TMPRSS12: variants seen among roughly 807,000 people sequenced by gnomAD.
The protein encoded by TMPRSS12 is transmembrane protease serine 12.
TMPRSS12 carries 25 observed loss-of-function variants against 26.0 expected under a neutral mutation model. The ratio of observed to expected loss-of-function variants is 0.96; its 90% CI spans 0.70 to 1.34. The LOEUF is 1.34. Ranked by LOEUF, TMPRSS12 falls within the 40% of genes most tolerant of loss-of-function variation. The probability of loss-of-function intolerance (pLI) is 0.00; values close to 1 mark genes in which losing one functional copy is unlikely to be tolerated. For synonymous variants in TMPRSS12, 150 were observed against 161.7 expected (o/e 0.93, Z 0.55); for missense variants, 441 against 440.1 (o/e 1.00, Z -0.02).
chr12:50,859,893 C>G lies in TMPRSS12; in HGVS notation c.652+840C>G, dbSNP rs527556344. On this transcript the variant is annotated intron_variant, in intron 3 of 4. Coordinates refer to ENST00000398458, the MANE Select transcript of TMPRSS12 (RefSeq NM_182559.3). ...GAATGTTCTCCATCATTAAGTGATGCCTGACTGTGTTTCACTCTGTGTATT... is the reference window on the plus strand; with the variant it reads ...GAATGTTCTCCATCATTAAGTGATGGCTGACTGTGTTTCACTCTGTGTATT... Among the ~76,000 whole-genome samples, 5 of 152,314 alleles carry G rather than the reference C, an allele frequency of 3.3e-5. No homozygotes were observed. In the South Asian group the frequency reaches 1.0e-3, roughly 32 times the overall value.
At chr12:50,858,000 T>G (rs1937897803) in intron 2 of TMPRSS12, among the ~76,000 whole-genome samples, 1 of 152,036 alleles carries the variant, frequency 6.6e-6, no homozygotes, top group Non-Finnish European at 1.5e-5. Flanking sequence ...GGCTAATTTT[T>G]TTGTTGTTGT....
chr12:50,847,093 C>G (rs183244412), intron 2 of TMPRSS12, among the ~76,000 whole-genome samples: 9,307 of 131,784 alleles, frequency 0.071, 333 homozygotes, highest in Middle Eastern at 0.15. Flanking sequence ...GAGTCTCGCT[C>G]TGTTGCCCAG....
intron 4 of TMPRSS12, chr12:50,885,826 T>A: frequency 5.1e-6 from 1 of 195,810 alleles, no homozygotes; most frequent in Non-Finnish European, 1.0e-5. Flanking sequence ...CGGCCATTCT[T>A]TTTTTTTTTT....
chr12:50,845,487 G>T (rs11169588), intron 2 of TMPRSS12, among the ~76,000 whole-genome samples: 32,119 of 151,984 alleles, frequency 0.21, 3,645 homozygotes, highest in East Asian at 0.42. Flanking sequence ...TCAACTCCTA[G>T]GTCTCTCCTG....
chr12:50,857,331 A>G (rs1241749750), intron 2 of TMPRSS12, among the ~76,000 whole-genome samples: 2 of 152,244 alleles, frequency 1.3e-5, no homozygotes, highest in African/African-American at 4.8e-5. Flanking sequence ...TCTAGGAAGC[A>G]GAATTGCAGA....
At position 50,885,573 on chromosome 12, in the gene TMPRSS12, G is replaced by A. The variant is rs75419006; in HGVS notation, c.795+185G>A. On this transcript the variant is annotated intron_variant, in intron 4 of 4. Transcript: ENST00000398458. ...GGTTCCTGATTCCATGGTTTCTGCT[G>A]TCATCAGTAGGCAGAATTTACCTTG... 2.3e-3 allele frequency: 1,669 copies of A among 710,658 alleles called. 29 individuals are homozygous for A. The African/African-American group carries it at 0.026, about 11-fold the overall frequency. 44.0% of individuals were successfully genotyped at this position (710,658 alleles called of 1,614,324 possible).
At chr12:50,862,536 T>TG (rs1333265696) in intron 3 of TMPRSS12, among the ~76,000 whole-genome samples, 1 of 152,040 alleles carries the variant, frequency 6.6e-6, no homozygotes, top group East Asian at 1.9e-4. Context: ...ATAATTTTTT[T>TG]TTTTTTAAAG....
At chr12:50,855,893 A>T (rs1937872208) in intron 2 of TMPRSS12, among the ~76,000 whole-genome samples, 1 of 152,234 alleles carries the variant, frequency 6.6e-6, no homozygotes, top group Non-Finnish European at 1.5e-5. Context: ...GAATGAAATC[A>T]TCTCCTTTGT....
chr12:50,875,137 C>G (rs1428293243), intron 3 of TMPRSS12, among the ~76,000 whole-genome samples: 1 of 152,084 alleles, frequency 6.6e-6, no homozygotes, highest in African/African-American at 2.4e-5. Context: ...CCAAAGCAAT[C>G]TTAAGCAAAA....
At chr12:50,887,178 T>C in intron 4 of TMPRSS12, 84 bp from the exon 5 acceptor site, 2 of 1,324,346 alleles carry the variant, frequency 1.5e-6, no homozygotes, top group Non-Finnish European at 2.0e-6. Context: ...AAATGTATGT[T>C]TGATGTAAAT....
At chr12:50,869,954 G>A (rs1938026603) in intron 3 of TMPRSS12, among the ~76,000 whole-genome samples, 1 of 152,082 alleles carries the variant, frequency 6.6e-6, no homozygotes, top group African/African-American at 2.4e-5. Flanking sequence ...ATGGTTGCAG[G>A]CGCCTGTAAT....
chr12:50,849,294 G>A (rs4768937), intron 2 of TMPRSS12, among the ~76,000 whole-genome samples: 42,374 of 152,102 alleles, frequency 0.28, 6,069 homozygotes, highest in East Asian at 0.44. Context: ...TTTTCGTACA[G>A]CCAGTCCTAA....
At chr12:50,874,248 C>T (rs1220484968) in intron 3 of TMPRSS12, among the ~76,000 whole-genome samples, 1 of 151,834 alleles carries the variant, frequency 6.6e-6, no homozygotes, top group Non-Finnish European at 1.5e-5. Context: ...ATCCTGACAC[C>T]AAACCAAAAA....
intron 3 of TMPRSS12, among the ~76,000 whole-genome samples, chr12:50,884,776 G>A (rs1250679774): frequency 1.3e-5 from 2 of 152,042 alleles, no homozygotes; most frequent in African/African-American, 2.4e-5. Flanking sequence ...GGAGGCTGAG[G>A]CAGGAGGATT....
At chr12:50,850,209 G>A (rs1937812634) in intron 2 of TMPRSS12, among the ~76,000 whole-genome samples, 1 of 152,140 alleles carries the variant, frequency 6.6e-6, no homozygotes, top group African/African-American at 2.4e-5. Context: ...GGATTGTGGG[G>A]GCAGATCCCT....
intron 4 of TMPRSS12, chr12:50,885,644 T>C (rs893459883): frequency 1.8e-5 from 11 of 605,476 alleles, no homozygotes; most frequent in Non-Finnish European, 3.2e-5. Context: ...TTCACCTAGT[T>C]AAAAGTGTAC....
At chr12:50,876,621 G>A (rs965909872) in intron 3 of TMPRSS12, among the ~76,000 whole-genome samples, 2 of 151,870 alleles carry the variant, frequency 1.3e-5, no homozygotes, top group Non-Finnish European at 2.9e-5. Context: ...TGGCTAACAC[G>A]GCGAAACCCC....
At chr12:50,880,258 C>A (rs1271661878) in intron 3 of TMPRSS12, among the ~76,000 whole-genome samples, 1 of 151,610 alleles carries the variant, frequency 6.6e-6, no homozygotes, top group Non-Finnish European at 1.5e-5. Flanking sequence ...CACAGTGGTA[C>A]ATGCCTGTAG....
chr12:50,885,563 G>T, intron 4 of TMPRSS12, 175 bp downstream of exon 4: 1 of 777,560 alleles, frequency 1.3e-6, no homozygotes. Flanking sequence ...CTGATTCCAT[G>T]GTTTCTGCTG....
Sources: allele counts gnomAD v4.1 joint callset (sites outside exome capture counted in the v4.1 genomes callset), GRCh38; gene constraint gnomAD v4.1.1; transcripts MANE v1.5; gene names NCBI Gene and HGNC (gene_info 2026-07-23, HGNC 2026-07-21).